Variants in RTN4IP1 observed in about 807,000 individuals in gnomAD.
RTN4IP1 encodes the protein NAD(P)H oxidoreductase RTN4IP1, mitochondrial.
Under a neutral mutation model 46.6 loss-of-function variants are expected in RTN4IP1, and 32 were observed. That is an observed-to-expected ratio of 0.69 (90% CI 0.52 to 0.92). The LOEUF is 0.92. RTN4IP1 is among the 40% of genes least tolerant of loss of function. The pLI is 0.00. For synonymous variants in RTN4IP1, 167 were observed against 161.8 expected (o/e 1.03, Z -0.24); for missense variants, 424 against 485.8 (o/e 0.87, Z 1.20).
chr6:106,605,424 C>CAAAAAAA (rs1343572337), intron 4 of RTN4IP1, among the ~76,000 whole-genome samples: 1 of 105,090 alleles, frequency 9.5e-6, no homozygotes, highest in Non-Finnish European at 2.0e-5. Flanking sequence ...GACCCTGTCT[C>CAAAAAAA]AAAAAAAAAA....
intron 4 of RTN4IP1, among the ~76,000 whole-genome samples, chr6:106,604,873 C>A (rs1776025296): frequency 6.6e-6 from 1 of 152,174 alleles, no homozygotes; most frequent in Non-Finnish European, 1.5e-5. Flanking sequence ...TTATTACCTG[C>A]CCAGGTCTGC....
At chr6:106,624,534 A>C (rs904872540) in intron 1 of RTN4IP1, among the ~76,000 whole-genome samples, 3 of 150,252 alleles carry the variant, frequency 2.0e-5, no homozygotes, top group Admixed American at 1.3e-4. Context: ...ACAGGGATTC[A>C]TCATGTTGGC....
At chr6:106,601,900 C>G (rs1012326497) in intron 5 of RTN4IP1, among the ~76,000 whole-genome samples, 1 of 152,164 alleles carries the variant, frequency 6.6e-6, no homozygotes, top group Non-Finnish European at 1.5e-5. Context: ...TGTGAACCAC[C>G]ATGCCTGACC....
rs1408416143 is a variant in RTN4IP1 at position 106,571,902 on chromosome 6, G to A, written c.*94C>T. The A allele has an allele frequency of 6.6e-6, 5 of 762,964 alleles. No homozygotes were observed. The highest frequency in any genetic ancestry group is 1.1e-5 in the Non-Finnish European group (5 of 441,884). The allele number at this position is 762,964 out of a possible 1,614,324, so 47.3% of individuals were successfully genotyped here. ...TATCATGGAATGTATAATCTAATCTGGAAAAATGTTTGAAAGGGATGGCTA... is the reference window on the plus strand; with the variant it reads ...TATCATGGAATGTATAATCTAATCTAGAAAAATGTTTGAAAGGGATGGCTA... On this transcript the variant is annotated 3_prime_UTR_variant, in exon 9 of 9. Transcript: ENST00000369063.
chr6:106,628,301 A>T, intron 1 of RTN4IP1, among the ~76,000 whole-genome samples: 1 of 151,460 alleles, frequency 6.6e-6, no homozygotes, highest in Admixed American at 6.6e-5. Flanking sequence ...CCCCATCTCT[A>T]CTAAAAATAC....
At chr6:106,629,674 C>G, upstream of RTN4IP1, 1 of 1,604,932 alleles carries the variant, frequency 6.2e-7, no homozygotes, top group Non-Finnish European at 8.5e-7. Flanking sequence ...AGGCTGGGCA[C>G]GAGGACCATG....
intron 4 of RTN4IP1, among the ~76,000 whole-genome samples, chr6:106,615,696 T>C (rs1484235636): frequency 3.3e-5 from 5 of 152,116 alleles, no homozygotes; most frequent in Non-Finnish European, 1.5e-5. Flanking sequence ...AAGACATGAA[T>C]TTCAGGCAGA....
rs576177531 is a variant in RTN4IP1, at chr6:106,587,802, G to C, written c.867C>G (p.Leu289=). The stretch of plus-strand genomic sequence containing the variant: ...CATAGGTGGCTCCTGACCATTTCTT[G>C]AGAAAATCTGGAGCCCATGTTTCAG... The part of the protein sequence containing the change: ...GSTETWAPDF[L]KKWSGATYVT... Residue 289 remains leucine, a synonymous_variant, in exon 7 of 9, where the codon CTC becomes CTG. Coordinates refer to ENST00000369063, the MANE Select transcript of RTN4IP1 (RefSeq NM_032730.5). 4 of 1,613,912 alleles carry C rather than the reference G, an allele frequency of 2.5e-6. No individual in the cohort carries two copies. In the African/African-American group the frequency reaches 4.0e-5, roughly 16 times the overall value.
chr6:106,600,969 A>G (rs1028876664), intron 5 of RTN4IP1, among the ~76,000 whole-genome samples: 35 of 152,162 alleles, frequency 2.3e-4, no homozygotes, highest in African/African-American at 8.2e-4. Context: ...TTGCTGGGTC[A>G]TATGGTAATT....
At chr6:106,602,769 C>G (rs1007757639) in intron 5 of RTN4IP1, 105 bp downstream of exon 5, 14 of 698,492 alleles carry the variant, frequency 2.0e-5, no homozygotes, top group Non-Finnish European at 1.4e-5. Context: ...AGTACATTTA[C>G]CAGACCTACC....
rs9486409 is a variant in RTN4IP1, at chr6:106,571,791, A to G, written c.*205T>C. 62,133 of 490,680 alleles carry G rather than the reference A, an allele frequency of 0.13. 4,869 individuals are homozygous for G. Among genetic ancestry groups the G allele is most frequent in the African/African-American group, 0.28 (13,900 of 50,312 alleles). The allele number at this position is 490,680 out of a possible 1,614,324, so 30.4% of individuals were successfully genotyped here. A position where few individuals can be genotyped will look rare whatever the true frequency, so the allele number is the denominator to read the frequency against. On this transcript the variant is annotated 3_prime_UTR_variant, in exon 9 of 9. Transcript: ENST00000369063. ...AAGGAACAGCTTGAAAAAACTTCGAATTTCTACTGACTACAGACAAATCCA... is the reference window on the plus strand; with the variant it reads ...AAGGAACAGCTTGAAAAAACTTCGAGTTTCTACTGACTACAGACAAATCCA...
At chr6:106,598,944 T>C (rs1324427545) in intron 5 of RTN4IP1, among the ~76,000 whole-genome samples, 2 of 152,096 alleles carry the variant, frequency 1.3e-5, no homozygotes, top group East Asian at 3.8e-4. Context: ...TTACTTGCTA[T>C]TGAGTTCCTC....
At chr6:106,600,391 G>T (rs866512041) in intron 5 of RTN4IP1, among the ~76,000 whole-genome samples, 6 of 152,186 alleles carry the variant, frequency 3.9e-5, no homozygotes, top group Middle Eastern at 3.4e-3. Context: ...GGAACTTTTG[G>T]TTTGTTTTGT....
intron 8 of RTN4IP1, among the ~76,000 whole-genome samples, chr6:106,576,768 T>C (rs1775238860): frequency 6.6e-6 from 1 of 152,220 alleles, no homozygotes; most frequent in African/African-American, 2.4e-5. Context: ...CTTGCTACAT[T>C]TCAAGTGCTC....
chr6:106,614,952 A>ACC (rs1776312063), intron 4 of RTN4IP1, among the ~76,000 whole-genome samples: 1 of 139,552 alleles, frequency 7.2e-6, no homozygotes, highest in Non-Finnish European at 1.5e-5. Flanking sequence ...AAGTGCCCAC[A>ACC]GCCCCCACCC....
At chr6:106,587,892 G>T (rs769466327) in intron 6 of RTN4IP1, 30 bp from the exon 7 acceptor site, 2 of 1,584,340 alleles carry the variant, frequency 1.3e-6, no homozygotes, top group East Asian at 2.3e-5. Context: ...TCAAAACATG[G>T]TTGTCAGGCT....
intron 3 of RTN4IP1, among the ~76,000 whole-genome samples, 172 bp downstream of exon 3, chr6:106,621,253 T>C (rs1275565751): frequency 6.6e-6 from 1 of 152,228 alleles, no homozygotes; most frequent in Non-Finnish European, 1.5e-5. Flanking sequence ...GCAGTGTTAC[T>C]GAATGGCATC....
At position 106,592,281 on chromosome 6, in the gene RTN4IP1, G is replaced by A; in HGVS notation, c.689C>T (p.Ala230Val). ...TTGGGAGCAAACTGCTGTCACATGA[G>A]CATCCCATGCTTTCATTACCTGCCC... ...FAIQVMKAWDAHVTAVCSQDA... is the reference protein window; with the variant it reads ...FAIQVMKAWDVHVTAVCSQDA... The change falls in exon 6 of 9, where the codon GCT becomes GTT. Residue 230 changes from alanine (A) to valine (V), a missense_variant. By Grantham distance (64) the Ala-to-Val change is moderately conservative. Coordinates refer to ENST00000369063, the MANE Select transcript of RTN4IP1 (RefSeq NM_032730.5). 2 of 1,613,736 alleles carry A rather than the reference G, an allele frequency of 1.2e-6. No individual in the cohort carries two copies. Among genetic ancestry groups the A allele is most frequent in the Non-Finnish European group, 8.5e-7 (1 of 1,179,924 alleles).
At chr6:106,585,714 CA>C (rs893002052) in intron 7 of RTN4IP1, among the ~76,000 whole-genome samples, 6 of 152,074 alleles carry the variant, frequency 3.9e-5, no homozygotes, top group Admixed American at 6.5e-5. Context: ...ACTACGTGCA[CA>C]ATCAGAAAGA....
Sources: allele counts gnomAD v4.1 joint callset (sites outside exome capture counted in the v4.1 genomes callset), GRCh38; gene constraint gnomAD v4.1.1; transcripts MANE v1.5; gene names NCBI Gene and HGNC (gene_info 2026-07-23, HGNC 2026-07-21).